CLIP2: variants seen among roughly 807,000 people sequenced by gnomAD.
CLIP2 encodes CAP-Gly domain-containing linker protein 2.
A neutral mutation model predicts 111.7 loss-of-function variants in CLIP2; 41 were observed. The ratio of observed to expected loss-of-function variants is 0.37; its 90% CI spans 0.29 to 0.48. CLIP2 has a LOEUF of 0.48. CLIP2 is among the 20% of genes least tolerant of loss of function. The pLI is 0.99. For synonymous variants in CLIP2, 660 were observed against 644.2 expected, an observed-to-expected ratio of 1.02 and a Z score of -0.37; for missense variants, 1,160 against 1,422.1, an observed-to-expected ratio of 0.82 and a Z score of 2.96.
rs782627355 is a variant in CLIP2, at chr7:74,376,257, C to T, written c.1856C>T (p.Ser619Leu). Residue 619 changes from serine (S) to leucine (L), a missense_variant, in exon 10 of 17, where the codon TCG becomes TTG. Physicochemically the swap from Ser to Leu is moderately radical, Grantham distance 145 (BLOSUM62 -2). Transcript: ENST00000223398. The surrounding 1 kb of genome is among the most constrained non-coding windows in gnomAD (Gnocchi z 7.1). ...LMDNWKSKLD[S>L]LASDHQKSLE... ...GACAACTGGAAATCCAAGCTGGACT[C>T]GCTGGCCTCGGACCACCAGAAGTCC... 8.1e-6 allele frequency: 13 copies of T among 1,612,258 alleles called. No individual in the cohort carries two copies. In the Admixed American group the frequency reaches 8.4e-5, roughly 10 times the overall value.
chr7:74,401,960 A>G (rs79755135), intron 16 of CLIP2, among the ~76,000 whole-genome samples: 1 of 145,562 alleles, frequency 6.9e-6, no homozygotes, highest in African/African-American at 2.6e-5. Context: ...TCTCTCTATT[A>G]AAAAAAAAAA....
At chr7:74,355,781 G>A (rs376859438) in intron 4 of CLIP2, among the ~76,000 whole-genome samples, 3 of 152,330 alleles carry the variant, frequency 2.0e-5, no homozygotes, top group South Asian at 2.1e-4. Context: ...GAATTCAGGG[G>A]TGGGTTGGAC....
chr7:74,290,887 C>G (rs1397699572), intron 1 of CLIP2, among the ~76,000 whole-genome samples: 1 of 151,992 alleles, frequency 6.6e-6, no homozygotes, highest in Non-Finnish European at 1.5e-5. Context: ...AGTGCAGCCC[C>G]GGGGGTTGAT....
At chr7:74,361,343 G>A (rs1287028516) in intron 7 of CLIP2, among the ~76,000 whole-genome samples, 1 of 150,700 alleles carries the variant, frequency 6.6e-6, no homozygotes, top group African/African-American at 2.4e-5. Flanking sequence ...TCAGCCTCCC[G>A]AGTAGCTGGG....
chr7:74,384,896 C>T (rs1267725480), intron 11 of CLIP2, among the ~76,000 whole-genome samples: 3 of 151,824 alleles, frequency 2.0e-5, no homozygotes, highest in African/African-American at 7.3e-5. Context: ...AATCCCAGGA[C>T]TTTAAGAGGC....
At position 74,389,179 on chromosome 7, in the gene CLIP2, G is replaced by A. The variant is rs1554315349; in HGVS notation, c.2640G>A (p.Glu880=). 1.9e-6 allele frequency: 3 copies of A among 1,613,674 alleles called. No individual in the cohort carries two copies. Among genetic ancestry groups the A allele is most frequent in the South Asian group, 2.2e-5 (2 of 91,056 alleles). Residue 880 remains glutamate, a synonymous_variant, in exon 13 of 17, where the codon GAG becomes GAA. Coordinates refer to ENST00000223398, the MANE Select transcript of CLIP2 (RefSeq NM_003388.5). ...LLKEKRRLEA[E]LETVSRKTHD... ...AGGAGAAGCGGCGCCTGGAGGCAGA[G>A]CTGGAGACCGTGTCCCGGAAGACCC...
intron 8 of CLIP2, 52 bp downstream of exon 8, chr7:74,364,367 C>T (rs781916655): frequency 2.6e-6 from 4 of 1,517,742 alleles, no homozygotes; most frequent in Non-Finnish European, 3.6e-6. Context: ...GTGCCTGGCC[C>T]TTGCTAGGGC....
intron 1 of CLIP2, among the ~76,000 whole-genome samples, chr7:74,305,122 T>C (rs1788442542): frequency 1.3e-5 from 1 of 74,120 alleles, no homozygotes; most frequent in Non-Finnish European, 3.8e-5. Flanking sequence ...TAGGGGACCA[T>C]CCATCCCTCC....
At chr7:74,302,366 C>G (rs541626564) in intron 1 of CLIP2, among the ~76,000 whole-genome samples, 239 of 152,092 alleles carry the variant, frequency 1.6e-3, no homozygotes, top group Non-Finnish European at 1.6e-3. Flanking sequence ...CAGGCGCACA[C>G]CACCACGCCC....
At position 74,393,090 on chromosome 7, in the gene CLIP2, C is replaced by T. The variant is rs1165273765; in HGVS notation, c.2720+3831C>T. 2.8e-5 allele frequency among the ~76,000 whole-genome samples: 4 copies of T among 145,440 alleles called. No individual in the cohort carries two copies. The Admixed American group carries it at 2.9e-4, about 10-fold the overall frequency. On this transcript the variant is annotated intron_variant, in intron 13 of 16. Coordinates refer to ENST00000223398, the MANE Select transcript of CLIP2 (RefSeq NM_003388.5). ...TTACTCTGTTGCCCAGGCTGCAGTACAGTGGCGCGATCTCAGGTCACTGCA... is the reference window on the plus strand; with the variant it reads ...TTACTCTGTTGCCCAGGCTGCAGTATAGTGGCGCGATCTCAGGTCACTGCA...
chr7:74,308,982 C>T (rs1370554338), intron 1 of CLIP2, among the ~76,000 whole-genome samples: 1 of 152,124 alleles, frequency 6.6e-6, no homozygotes, highest in Non-Finnish European at 1.5e-5. Context: ...ATCCTCTCAC[C>T]TTAGCCTCCC....
intron 1 of CLIP2, among the ~76,000 whole-genome samples, chr7:74,308,591 G>A (rs1282088861): frequency 5.9e-5 from 9 of 151,662 alleles, no homozygotes; most frequent in African/African-American, 1.9e-4. Context: ...TGCAACCTCC[G>A]CCTTCCGGGT....
At chr7:74,359,898 T>G (rs1233665169) in intron 6 of CLIP2, among the ~76,000 whole-genome samples, 2 of 152,122 alleles carry the variant, frequency 1.3e-5, no homozygotes, top group African/African-American at 4.8e-5. Flanking sequence ...AGACAGCAGG[T>G]TTGCAAGATA....
chr7:74,340,987 C>G (rs1789643823), intron 3 of CLIP2, among the ~76,000 whole-genome samples: 1 of 152,106 alleles, frequency 6.6e-6, no homozygotes, highest in South Asian at 2.1e-4. Context: ...ATCCTCCCTT[C>G]CTGCTCTGAG....
In CLIP2 at chr7:74,309,789, A is replaced by C. The variant is rs1788594893; in HGVS notation, c.-67-7691A>C. Among the ~76,000 whole-genome samples the C allele has an allele frequency of 2.0e-5, 3 of 150,926 alleles. No individual in the cohort carries two copies. The South Asian group carries it at 6.3e-4, about 32-fold the overall frequency. On this transcript the variant is annotated intron_variant, in intron 1 of 16. Coordinates refer to ENST00000223398, the MANE Select transcript of CLIP2 (RefSeq NM_003388.5). ...AGGAGAATCGCTTGAACCCGGGAGA[A>C]TCGCTTGAACCTGGGTGACAGAGCG...
intron 9 of CLIP2, among the ~76,000 whole-genome samples, chr7:74,373,533 T>G (rs1554312312): frequency 6.6e-6 from 1 of 152,012 alleles, no homozygotes; most frequent in African/African-American, 2.4e-5. Flanking sequence ...TTATGTTCCC[T>G]GGCTCAGTGT....
chr7:74,343,615 G>A (rs1012055880), intron 3 of CLIP2, among the ~76,000 whole-genome samples: 1 of 151,968 alleles, frequency 6.6e-6, no homozygotes. Flanking sequence ...GATGGCAGCC[G>A]GGCACGGTGG....
intron 1 of CLIP2, among the ~76,000 whole-genome samples, chr7:74,294,606 C>T (rs1223959259): frequency 2.0e-5 from 3 of 152,142 alleles, no homozygotes. Flanking sequence ...TTCAGCGTCA[C>T]CCCCGTCACC....
intron 2 of CLIP2, among the ~76,000 whole-genome samples, chr7:74,337,848 G>A (rs1350440638): frequency 4.0e-5 from 6 of 151,736 alleles, no homozygotes; most frequent in Non-Finnish European, 1.5e-5. Context: ...CGCCTGCCTC[G>A]GCCTCCCAAA....
Sources: gnomAD v4.1 joint callset for allele counts (sites outside exome capture counted in the v4.1 genomes callset) on GRCh38, gnomAD v4.1.1 for gene constraint, Gnocchi (gnomAD v3.1) non-coding constraint, MANE v1.5 for transcripts, NCBI Gene and HGNC (gene_info 2026-07-23, HGNC 2026-07-21) for gene names.